The following VMP1 variants were observed in gnomAD, a reference collection of about 807,000 sequenced individuals.
The protein encoded by VMP1 is vacuole membrane protein 1, also known as ectopic P-granules autophagy protein 3 homolog.
In VMP1, 11 loss-of-function variants were observed where a neutral mutation model predicts 56.0. That is an observed-to-expected ratio of 0.20 (90% CI 0.12 to 0.32). VMP1 has a LOEUF of 0.32. VMP1 is among the 10% of genes least tolerant of loss of function. VMP1 has a pLI of 1.00. For missense variants in VMP1, 296 were observed against 490.3 expected, an observed-to-expected ratio of 0.60 and a Z score of 3.74; for synonymous variants, 149 against 165.0, an observed-to-expected ratio of 0.90 and a Z score of 0.74.
At chr17:59,834,365 C>T (rs554940939) in intron 10 of VMP1, among the ~76,000 whole-genome samples, 96 of 151,368 alleles carry the variant, frequency 6.3e-4, no homozygotes, top group Non-Finnish European at 1.3e-3. Context: ...CAGGTTCAAG[C>T]GGATCCTCCT....
intron 5 of VMP1, among the ~76,000 whole-genome samples, chr17:59,755,541 G>A (rs894226728): frequency 1.5e-4 from 23 of 152,018 alleles, no homozygotes; most frequent in African/African-American, 5.6e-4. Context: ...TTTTATATTT[G>A]CACTTTTATA....
At chr17:59,798,207 A>G (rs1204737386) in intron 7 of VMP1, among the ~76,000 whole-genome samples, 1 of 152,248 alleles carries the variant, frequency 6.6e-6, no homozygotes, top group African/African-American at 2.4e-5. Flanking sequence ...ATACATCTAT[A>G]CATCGAGAAA....
chr17:59,777,808 C>T (rs1002987177), intron 7 of VMP1, among the ~76,000 whole-genome samples: 2 of 148,720 alleles, frequency 1.3e-5, no homozygotes, highest in Non-Finnish European at 3.0e-5. Flanking sequence ...AGCAAGACTC[C>T]GTCTCAAAAC....
chr17:59,744,398 G>C (rs2035342401), intron 5 of VMP1, among the ~76,000 whole-genome samples: 2 of 147,334 alleles, frequency 1.4e-5, no homozygotes, highest in Non-Finnish European at 3.0e-5. Context: ...GGAGGTGGAG[G>C]TTGCAGTGAG....
intron 1 of VMP1, among the ~76,000 whole-genome samples, chr17:59,709,695 G>A (rs1828530201): frequency 6.6e-6 from 1 of 152,110 alleles, no homozygotes; most frequent in Non-Finnish European, 1.5e-5. Context: ...GTTTGATACC[G>A]TGATCCATTG....
intron 6 of VMP1, 28 bp from the exon 7 acceptor site, chr17:59,773,726 A>G (rs760627397): frequency 6.4e-7 from 1 of 1,571,506 alleles, no homozygotes; most frequent in Non-Finnish European, 8.6e-7. Context: ...ACAGAACCTC[A>G]TTGTAAGTAT....
chr17:59,710,163 C>CT (rs2033856377), intron 1 of VMP1, among the ~76,000 whole-genome samples: 1 of 152,022 alleles, frequency 6.6e-6, no homozygotes, highest in Non-Finnish European at 1.5e-5. Flanking sequence ...CGCCACTGCA[C>CT]TCCAGCCTGG....
intron 7 of VMP1, among the ~76,000 whole-genome samples, chr17:59,791,363 A>T (rs909556921): frequency 3.3e-5 from 5 of 151,008 alleles, no homozygotes; most frequent in Admixed American, 1.3e-4. Flanking sequence ...TAATTTTTTT[A>T]TATTTTTAGT....
intron 6 of VMP1, among the ~76,000 whole-genome samples, chr17:59,767,177 C>A (rs1319343237): frequency 6.6e-6 from 1 of 151,234 alleles, no homozygotes; most frequent in Admixed American, 6.6e-5. Context: ...TTTTTTCCCA[C>A]TAACAATTTC....
chr17:59,814,636 A>T (rs1282430644), intron 9 of VMP1, among the ~76,000 whole-genome samples: 1 of 152,232 alleles, frequency 6.6e-6, no homozygotes, highest in Non-Finnish European at 1.5e-5. Flanking sequence ...ACCACATTTC[A>T]TAGATGAGGG....
At chr17:59,751,744 CAAAAAAAAA>C (rs932086949) in intron 5 of VMP1, among the ~76,000 whole-genome samples, 3 of 42,560 alleles carry the variant, frequency 7.0e-5, no homozygotes, top group South Asian at 2.0e-3. Flanking sequence ...AACTCCGTCT[CAAAAAAAAA>C]AAAAAAAAAA....
At position 59,764,853 on chromosome 17, in the gene VMP1, T is replaced by C. The variant is rs527884141; in HGVS notation, c.415-118T>C. On this transcript the variant is annotated intron_variant, in intron 5 of 11. Transcript: ENST00000262291. ...TGCATCTTGAAATTATTTAGAATTA[T>C]TTTTGTTCTTTGAAAGCTAAGATTT... 491 of 707,358 alleles carry C rather than the reference T, an allele frequency of 6.9e-4. 1 individual carries two copies. Among genetic ancestry groups the C allele is most frequent in the Non-Finnish European group, 9.1e-4 (449 of 491,782 alleles). The allele number at this position is 707,358 out of a possible 1,614,324, so 43.8% of individuals were successfully genotyped here.
chr17:59,770,498 A>G (rs1331467973), intron 6 of VMP1, among the ~76,000 whole-genome samples: 1 of 152,154 alleles, frequency 6.6e-6, no homozygotes, highest in Admixed American at 6.6e-5. Flanking sequence ...GGGGCCTAAA[A>G]TGCATTATCA....
intron 10 of VMP1, among the ~76,000 whole-genome samples, chr17:59,820,872 T>A (rs1219479985): frequency 6.6e-6 from 1 of 152,240 alleles, no homozygotes; most frequent in Middle Eastern, 3.2e-3. Flanking sequence ...GCTTTAGAGT[T>A]TTTATGAAAT....
chr17:59,809,526 A>T (rs2037977819), intron 8 of VMP1, among the ~76,000 whole-genome samples: 1 of 37,188 alleles, frequency 2.7e-5, no homozygotes, highest in African/African-American at 1.3e-4. Flanking sequence ...TTTTTTTTTG[A>T]GACGGAGTCT....
At chr17:59,748,753 C>T (rs1196431531) in intron 5 of VMP1, among the ~76,000 whole-genome samples, 1 of 152,040 alleles carries the variant, frequency 6.6e-6, no homozygotes, top group Non-Finnish European at 1.5e-5. Flanking sequence ...ACATTTCCCA[C>T]AATTGATTTC....
At chr17:59,752,519 G>T (rs966115627) in intron 5 of VMP1, among the ~76,000 whole-genome samples, 1 of 152,126 alleles carries the variant, frequency 6.6e-6, no homozygotes, top group African/African-American at 2.4e-5. Context: ...CTTTAGAAAA[G>T]AATATAGTTG....
At chr17:59,827,723 C>A (rs1177322736) in intron 10 of VMP1, among the ~76,000 whole-genome samples, 2 of 150,020 alleles carry the variant, frequency 1.3e-5, no homozygotes, top group African/African-American at 4.9e-5. Context: ...GAGGCTGAGG[C>A]GGGATTGCTT....
intron 5 of VMP1, among the ~76,000 whole-genome samples, chr17:59,759,328 C>T (rs1316389030): frequency 1.3e-5 from 2 of 152,054 alleles, no homozygotes; most frequent in South Asian, 2.1e-4. Flanking sequence ...GAGCCAGGAT[C>T]GTGCCATTGC....
Sources: gnomAD v4.1 joint callset for allele counts (sites outside exome capture counted in the v4.1 genomes callset) on GRCh38, gnomAD v4.1.1 for gene constraint, MANE v1.5 for transcripts, NCBI Gene and HGNC (gene_info 2026-07-23, HGNC 2026-07-21) for gene names.